The following WDR37 variants were observed in gnomAD, a reference collection of about 807,000 sequenced individuals.
WDR37 encodes WD repeat-containing protein 37.
A neutral mutation model predicts 62.9 loss-of-function variants in WDR37; 19 were observed. That is an observed-to-expected ratio of 0.30 (90% CI 0.21 to 0.44). The LOEUF (loss-of-function observed/expected upper bound fraction) is 0.44, where lower values mean the gene tolerates loss of function less well. Among genes scored for constraint, WDR37 ranks in the 20% least tolerant of loss-of-function variants. The pLI, the probability that WDR37 is intolerant of heterozygous loss-of-function variation, is 1.00. For missense variants in WDR37, 474 were observed against 657.6 expected, an observed-to-expected ratio of 0.72 and a Z score of 3.05; for synonymous variants, 250 against 260.9, an observed-to-expected ratio of 0.96 and a Z score of 0.40.
intron 9 of WDR37, among the ~76,000 whole-genome samples, chr10:1,102,230 A>G (rs140934823): frequency 1.7e-3 from 217 of 130,324 alleles, no homozygotes; most frequent in African/African-American, 6.2e-3. Context: ...CGTCCCTGCG[A>G]CGTGCGATCC....
intron 11 of WDR37, among the ~76,000 whole-genome samples, chr10:1,107,283 C>A (rs940702737): frequency 6.8e-6 from 1 of 146,934 alleles, no homozygotes; most frequent in Non-Finnish European, 1.5e-5. Context: ...CCTGGGCCCA[C>A]CACCTGGCAC....
chr10:1,069,389 A>ATATATATATT lies in WDR37; in HGVS notation c.-40-2726_-40-2725insATATATATTT. On this transcript the variant is annotated intron_variant, in intron 1 of 13. Transcript: ENST00000263150. ...GGAAAGAATATATATATATATATATATTTTTTTTTTTTTTTTTTGCAGCAG... is the reference window on the plus strand; with the variant it reads ...GGAAAGAATATATATATATATATATATATATATATTTTTTTTTTTTTTTTTTTTGCAGCAG... 6.1e-4 allele frequency among the ~76,000 whole-genome samples: 58 copies of ATATATATATT among 95,778 alleles called. 1 individual carries two copies. Among genetic ancestry groups the ATATATATATT allele is most frequent in the African/African-American group, 2.6e-3 (55 of 21,346 alleles). 62.8% of individuals were successfully genotyped at this position (95,778 alleles called of 152,430 possible). A position where few individuals can be genotyped will look rare whatever the true frequency, so the allele number is the denominator to read the frequency against.
intron 7 of WDR37, among the ~76,000 whole-genome samples, chr10:1,088,984 G>A (rs185119566): frequency 2.5e-4 from 38 of 152,294 alleles, no homozygotes; most frequent in African/African-American, 7.7e-4. Flanking sequence ...TAGAGTGGAC[G>A]GCAAGCCTTG....
chr10:1,103,550 C>G lies in WDR37; in HGVS notation c.727-52C>G, dbSNP rs1834893436. 2 of 1,582,682 alleles carry G rather than the reference C, an allele frequency of 1.3e-6. No individual in the cohort carries two copies. The highest frequency in any genetic ancestry group is 2.7e-5 in the African/African-American group (2 of 74,486). Reference sequence around the variant, plus strand: ...TATTTTGTAGCTATGTCAGAAGAAACTCAAGATTTCCAGGAAATGTCTTTC... The same window carrying G: ...TATTTTGTAGCTATGTCAGAAGAAAGTCAAGATTTCCAGGAAATGTCTTTC... On this transcript the variant is annotated intron_variant, in intron 9 of 13. Coordinates refer to ENST00000263150, the MANE Select transcript of WDR37 (RefSeq NM_014023.4). The surrounding 1 kb of genome is among the most constrained non-coding windows in gnomAD (Gnocchi z 6.3).
chr10:1,094,954 T>C (rs943337472), intron 8 of WDR37, among the ~76,000 whole-genome samples: 1 of 149,488 alleles, frequency 6.7e-6, no homozygotes, highest in African/African-American at 2.5e-5. Context: ...GTAATGGGCA[T>C]AGAGAAGGGA....
chr10:1,080,153 G>A, intron 4 of WDR37, 47 bp downstream of exon 4: 1 of 1,601,778 alleles, frequency 6.2e-7, no homozygotes, highest in Non-Finnish European at 8.5e-7. Context: ...TATACATGCA[G>A]GAAATTTGGA....
rs938429279 is a variant in WDR37, at chr10:1,056,671, C to A, written c.-338C>A. The A allele has an allele frequency of 6.6e-6, 1 of 152,244 alleles. No homozygotes were observed. Among genetic ancestry groups the A allele is most frequent in the Non-Finnish European group, 1.5e-5 (1 of 68,054 alleles). 9.4% of individuals were successfully genotyped at this position (152,244 alleles called of 1,614,324 possible). The stretch of plus-strand genomic sequence containing the variant: ...CCAGCAGCCGAAGGGGTCTTCAGCG[C>A]GCCCAGACCCCTCGGGGCTGCGGGG... On this transcript the variant is annotated 5_prime_UTR_variant, in exon 1 of 14. Transcript: ENST00000263150.
chr10:1,093,911 A>T (rs900793698), intron 8 of WDR37, among the ~76,000 whole-genome samples: 2 of 152,196 alleles, frequency 1.3e-5, no homozygotes, highest in Non-Finnish European at 2.9e-5. Context: ...CAGCATTTTT[A>T]CTTCTTTCTG....
intron 2 of WDR37, among the ~76,000 whole-genome samples, chr10:1,074,127 A>G (rs192752053): frequency 6.6e-6 from 1 of 152,376 alleles, no homozygotes; most frequent in Non-Finnish European, 1.5e-5. Flanking sequence ...ATTGAAATTT[A>G]CATAGTCAGA....
At chr10:1,089,682 C>T (rs1022348116) in intron 7 of WDR37, among the ~76,000 whole-genome samples, 2 of 150,846 alleles carry the variant, frequency 1.3e-5, no homozygotes, top group African/African-American at 2.5e-5. Flanking sequence ...TTCCCGTGCT[C>T]ACCCGCAGTT....
chr10:1,060,838 A>T (rs1054595614), intron 1 of WDR37, among the ~76,000 whole-genome samples: 17 of 152,036 alleles, frequency 1.1e-4, no homozygotes, highest in African/African-American at 4.1e-4. Flanking sequence ...GTTTAGGTAC[A>T]CAAATAGATA....
Position 1,056,755 on chromosome 10 carries a change from T to G in WDR37, c.-254T>G, listed in dbSNP as rs1833185764. The G allele has an allele frequency of 6.6e-6, 1 of 152,262 alleles. No individual in the cohort carries two copies. Among genetic ancestry groups the G allele is most frequent in the Admixed American group, 6.5e-5 (1 of 15,288 alleles). The allele number at this position is 152,262 out of a possible 1,614,324, so 9.4% of individuals were successfully genotyped here. A position where few individuals can be genotyped will look rare whatever the true frequency, so the allele number is the denominator to read the frequency against. On this transcript the variant is annotated 5_prime_UTR_variant, in exon 1 of 14. Transcript: ENST00000263150. The stretch of plus-strand genomic sequence containing the variant: ...GTGTGGGGCGGAGGTGTGGGGCGGC[T>G]TCCGGAGAACCCAGCGGCGCGGGAC...
intron 1 of WDR37, among the ~76,000 whole-genome samples, chr10:1,069,387 A>ATTTGGTTTTTTTTTTTTTT (rs1368989652): frequency 3.3e-5 from 1 of 30,444 alleles, no homozygotes; most frequent in Non-Finnish European, 5.9e-5. Flanking sequence ...ATATATATAT[A>ATTTGGTTTTTTTTTTTTTT]TATTTTTTTT....
intron 2 of WDR37, among the ~76,000 whole-genome samples, chr10:1,075,722 G>A (rs915728613): frequency 3.9e-5 from 6 of 151,994 alleles, no homozygotes; most frequent in Non-Finnish European, 8.8e-5. Context: ...CACAGGGCAG[G>A]GAAAATACTA....
intron 9 of WDR37, among the ~76,000 whole-genome samples, chr10:1,098,329 T>A (rs1489993269): frequency 6.8e-6 from 1 of 147,646 alleles, no homozygotes; most frequent in African/African-American, 2.5e-5. Flanking sequence ...TCTGTCCGTT[T>A]TTTTTTTTTT....
At chr10:1,101,745 G>C (rs894657236) in intron 9 of WDR37, among the ~76,000 whole-genome samples, 1 of 152,086 alleles carries the variant, frequency 6.6e-6, no homozygotes, top group African/African-American at 2.4e-5. Context: ...CGCACATGGC[G>C]GGAATGTTGT....
chr10:1,126,270 G>A (rs1043489507), intron 13 of WDR37, among the ~76,000 whole-genome samples: 24 of 152,124 alleles, frequency 1.6e-4, no homozygotes, highest in East Asian at 7.7e-4. Flanking sequence ...GCCAGGCGTG[G>A]TGGCGGGCGT....
At chr10:1,079,153 G>GAGACCCTGATAGCAGT (rs1564500008) in intron 3 of WDR37, among the ~76,000 whole-genome samples, 1 of 149,586 alleles carries the variant, frequency 6.7e-6, no homozygotes, top group African/African-American at 2.5e-5. Flanking sequence ...GGCGTGATCT[G>GAGACCCTGATAGCAGT]GGCTCACTGC....
rs549416603 is a variant in WDR37 at position 1,121,886 on chromosome 10, G to A, written c.1104-2332G>A. 1.3e-5 allele frequency among the ~76,000 whole-genome samples: 2 copies of A among 152,246 alleles called. No homozygotes were observed. The highest frequency in any genetic ancestry group is 6.5e-5 in the Admixed American group (1 of 15,296). ...CATCCTGACTGTGTTCCGGGGTCTCGGTGTCAGAGCGTGTTGCCAGGTGTT... is the reference window on the plus strand; with the variant it reads ...CATCCTGACTGTGTTCCGGGGTCTCAGTGTCAGAGCGTGTTGCCAGGTGTT... On this transcript the variant is annotated intron_variant, in intron 11 of 13. Coordinates refer to ENST00000263150, the MANE Select transcript of WDR37 (RefSeq NM_014023.4). The surrounding 1 kb of genome is among the most constrained non-coding windows in gnomAD (Gnocchi z 4.5).
Sources: gnomAD v4.1 joint callset for allele counts (sites outside exome capture counted in the v4.1 genomes callset) on GRCh38, gnomAD v4.1.1 for gene constraint, Gnocchi (gnomAD v3.1) non-coding constraint, MANE v1.5 for transcripts, NCBI Gene and HGNC (gene_info 2026-07-23, HGNC 2026-07-21) for gene names.